The following NRTN variants were observed in gnomAD, a reference collection of about 807,000 sequenced individuals.
The protein encoded by NRTN is prepro-neurturin.
Under a neutral mutation model 7.5 loss-of-function variants are expected in NRTN, and 3 were observed. The ratio of observed to expected loss-of-function variants is 0.40; its 90% CI spans 0.18 to 1.03. NRTN has a LOEUF of 1.03. Among genes scored for constraint, NRTN ranks in the 50% least tolerant of loss-of-function variants. NRTN has a pLI of 0.34. For missense variants in NRTN, 310 were observed against 307.0 expected (o/e 1.01, Z -0.07); for synonymous variants, 157 against 146.6 (o/e 1.07, Z -0.51).
chr19:5,816,343 G>C (rs1283961992), intron 1 of NRTN, among the ~76,000 whole-genome samples: 1 of 152,098 alleles, frequency 6.6e-6, no homozygotes, highest in African/African-American at 2.4e-5. Flanking sequence ...TCATGACCTT[G>C]ACTCTTTTTG....
chr19:5,822,275 G>T (rs1261559726), intron 1 of NRTN, among the ~76,000 whole-genome samples: 1 of 152,168 alleles, frequency 6.6e-6, no homozygotes, highest in Non-Finnish European at 1.5e-5. Context: ...CAAGGTGCAC[G>T]CATTTGGGGG....
intron 2 of NRTN, among the ~76,000 whole-genome samples, chr19:5,824,755 C>A (rs1307416273): frequency 1.3e-5 from 2 of 152,198 alleles, no homozygotes; most frequent in African/African-American, 4.8e-5. Context: ...ATACTCCAGC[C>A]TGAGCAACAG....
chr19:5,813,487 C>CA (rs910706135), intron 1 of NRTN, among the ~76,000 whole-genome samples: 8 of 152,082 alleles, frequency 5.3e-5, no homozygotes, highest in African/African-American at 1.9e-4. Context: ...GTCTGGCCAA[C>CA]ATGGTGGAAC....
chr19:5,824,414 G>A, intron 2 of NRTN, 80 bp downstream of exon 2: 1 of 1,506,570 alleles, frequency 6.6e-7, no homozygotes. Context: ...GAGGTGGTGG[G>A]GGGGTGTCAT....
In NRTN at chr19:5,823,809, A is replaced by G. The variant is rs761452012; in HGVS notation, c.-357A>G. 40 of 411,180 alleles carry G rather than the reference A, an allele frequency of 9.7e-5. No individual in the cohort carries two copies. The highest frequency in any genetic ancestry group is 1.7e-4 in the Non-Finnish European group (38 of 220,236). The allele number at this position is 411,180 out of a possible 1,614,324, so 25.5% of individuals were successfully genotyped here. On this transcript the variant is annotated 5_prime_UTR_variant, in exon 2 of 3. Transcript: ENST00000303212. ...CTCCTTGCTGTTCCTGGGATACGCC[A>G]CACTCAGTCTGGCCTCGGGGCCTTT...
chr19:5,820,266 A>G (rs1282372752), intron 1 of NRTN, among the ~76,000 whole-genome samples: 1 of 25,782 alleles, frequency 3.9e-5, no homozygotes, highest in Admixed American at 2.8e-4. Context: ...ACTCCGTCTC[A>G]AAAAAAAAAA....
In NRTN at chr19:5,810,607, T is replaced by C. The variant is rs145428670; in HGVS notation, c.-399+5156T>C. Among the ~76,000 whole-genome samples, 874 of 152,164 alleles carry C rather than the reference T, an allele frequency of 5.7e-3. 6 individuals are homozygous for C. Among genetic ancestry groups the C allele is most frequent in the Admixed American group, 7.8e-3 (119 of 15,258 alleles). ...ATAGCCAACATTGCTGGTGTTGTTA[T>C]TGTTGTTAGGCCAGAAAGCACGTGG... On this transcript the variant is annotated intron_variant, in intron 1 of 2. Transcript: ENST00000303212.
intron 1 of NRTN, among the ~76,000 whole-genome samples, chr19:5,812,427 C>T (rs1055901615): frequency 7.2e-5 from 11 of 152,316 alleles, no homozygotes; most frequent in Middle Eastern, 3.4e-3. Flanking sequence ...GGACCTCTTT[C>T]TCCGGCAGAC....
intron 1 of NRTN, among the ~76,000 whole-genome samples, chr19:5,819,611 C>T (rs1052786331): frequency 6.6e-6 from 1 of 151,218 alleles, no homozygotes; most frequent in East Asian, 2.0e-4. Context: ...TGCAGTGAGC[C>T]GAGATCATGT....
At chr19:5,826,047 A>G in intron 2 of NRTN, among the ~76,000 whole-genome samples, 1 of 152,054 alleles carries the variant, frequency 6.6e-6, no homozygotes. Flanking sequence ...AGGCGGGAGA[A>G]TGGCGTGAAC....
intron 1 of NRTN, among the ~76,000 whole-genome samples, chr19:5,821,541 G>C (rs1229286301): frequency 6.6e-6 from 1 of 152,024 alleles, no homozygotes; most frequent in Non-Finnish European, 1.5e-5. Flanking sequence ...GACCTCAGGT[G>C]ATCTGCCCTC....
intron 1 of NRTN, among the ~76,000 whole-genome samples, chr19:5,817,830 T>C (rs1187734428): frequency 6.6e-6 from 1 of 152,152 alleles, no homozygotes; most frequent in African/African-American, 2.4e-5. Context: ...GACGGAGTCT[T>C]GCTCTGTCAC....
In NRTN at chr19:5,827,196, G is replaced by A. The variant is rs546726197; in HGVS notation, c.170-553G>A. On this transcript the variant is annotated intron_variant, in intron 2 of 2. Coordinates refer to ENST00000303212, the MANE Select transcript of NRTN (RefSeq NM_004558.5). ...AGCCCGGGGCCTCAGAGCAGACGTCGGGGCCTGAAGAGGGGGCTCTAGAGA... is the reference window on the plus strand; with the variant it reads ...AGCCCGGGGCCTCAGAGCAGACGTCAGGGCCTGAAGAGGGGGCTCTAGAGA... Among the ~76,000 whole-genome samples, 284 of 152,290 alleles carry A rather than the reference G, an allele frequency of 1.9e-3. 1 individual carries two copies. Among genetic ancestry groups the A allele is most frequent in the Middle Eastern group, 0.014 (4 of 294 alleles).
chr19:5,817,179 A>C (rs2057007574), intron 1 of NRTN, among the ~76,000 whole-genome samples: 1 of 149,838 alleles, frequency 6.7e-6, no homozygotes, highest in South Asian at 2.1e-4. Context: ...CTACCAAAAA[A>C]CAAAAACAAA....
At chr19:5,809,839 C>T (rs1254985017) in intron 1 of NRTN, among the ~76,000 whole-genome samples, 1 of 152,232 alleles carries the variant, frequency 6.6e-6, no homozygotes, top group Admixed American at 6.5e-5. Flanking sequence ...CCTCTCTCAC[C>T]TCTCCTCTTT....
intron 2 of NRTN, among the ~76,000 whole-genome samples, chr19:5,825,976 T>A (rs1041253663): frequency 1.3e-5 from 2 of 151,858 alleles, no homozygotes; most frequent in Non-Finnish European, 2.9e-5. Context: ...CTACTAAAAT[T>A]ACAAAAAAAT....
In NRTN at chr19:5,821,621, G is replaced by GTTCATTCATTCATTCA. The variant is rs3834829; in HGVS notation, c.-398-2141_-398-2126dup. 6.6e-3 allele frequency among the ~76,000 whole-genome samples: 968 copies of GTTCATTCATTCATTCA among 146,422 alleles called. 3 individuals carry two copies. The highest frequency in any genetic ancestry group is 0.011 in the African/African-American group (448 of 39,114). The stretch of plus-strand genomic sequence containing the variant: ...GCACCCGTCAGCCTAGCTTCTTTGT[G>GTTCATTCATTCATTCA]TTCATTCATTCATTCATTCATCATT... On this transcript the variant is annotated intron_variant, in intron 1 of 2. Coordinates refer to ENST00000303212, the MANE Select transcript of NRTN (RefSeq NM_004558.5).
chr19:5,812,755 T>TG (rs2056994083), intron 1 of NRTN, among the ~76,000 whole-genome samples: 1 of 152,204 alleles, frequency 6.6e-6, no homozygotes, highest in Non-Finnish European at 1.5e-5. Context: ...TTGCCCCTCA[T>TG]GGGGCCTCAG....
intron 1 of NRTN, among the ~76,000 whole-genome samples, chr19:5,805,969 T>C (rs1026956274): frequency 1.3e-5 from 2 of 151,850 alleles, no homozygotes; most frequent in Non-Finnish European, 2.9e-5. Flanking sequence ...GGACACGGTG[T>C]CCTCCGGTGA....
Sources: gnomAD v4.1 joint callset for allele counts (sites outside exome capture counted in the v4.1 genomes callset) on GRCh38, gnomAD v4.1.1 for gene constraint, MANE v1.5 for transcripts, NCBI Gene and HGNC (gene_info 2026-07-23, HGNC 2026-07-21) for gene names.